Variants in FAM114A2 observed in about 807,000 individuals in gnomAD.
The protein encoded by FAM114A2 is family with sequence similarity 114 member A2, also known as protein FAM114A2.
In FAM114A2, 53 loss-of-function variants were observed where a neutral mutation model predicts 58.4. The ratio of observed to expected loss-of-function variants is 0.91; its 90% confidence interval spans 0.73 to 1.14. The LOEUF is 1.14. Among genes scored for constraint, FAM114A2 ranks in the 50% most tolerant of loss-of-function variants. The probability of loss-of-function intolerance (pLI) is 0.00; values close to 1 mark genes in which losing one functional copy is unlikely to be tolerated. For synonymous variants in FAM114A2, 228 were observed against 211.4 expected (o/e 1.08, Z -0.68); for missense variants, 601 against 581.1 (o/e 1.03, Z -0.35).
intron 1 of FAM114A2, among the ~76,000 whole-genome samples, chr5:154,035,642 T>C (rs1048959423): frequency 1.3e-5 from 2 of 152,196 alleles, no homozygotes; most frequent in Non-Finnish European, 2.9e-5. Context: ...AAAACAGCTA[T>C]GAAAGTTCAT....
At chr5:154,024,253 CAT>C (rs1430715228) in intron 8 of FAM114A2, among the ~76,000 whole-genome samples, 4 of 152,064 alleles carry the variant, frequency 2.6e-5, no homozygotes, top group African/African-American at 9.7e-5. Flanking sequence ...TTTCTGAGAA[CAT>C]TAAAGAGCTT....
intron 9 of FAM114A2, among the ~76,000 whole-genome samples, chr5:154,009,690 C>T (rs561027866): frequency 6.6e-6 from 1 of 152,260 alleles, no homozygotes; most frequent in Non-Finnish European, 1.5e-5. Flanking sequence ...CTGGGCAGGA[C>T]ACACCATCAC....
At chr5:154,033,466 T>C (rs1287670377) in intron 4 of FAM114A2, among the ~76,000 whole-genome samples, 2 of 152,250 alleles carry the variant, frequency 1.3e-5, no homozygotes, top group Non-Finnish European at 2.9e-5. Context: ...CTAACTCTTA[T>C]TAGTCTCTTA....
intron 8 of FAM114A2, among the ~76,000 whole-genome samples, chr5:154,022,347 C>T (rs1263599718): frequency 6.6e-6 from 1 of 152,190 alleles, no homozygotes. Context: ...CGTGAACAGG[C>T]AACCTACAGA....
intron 9 of FAM114A2, among the ~76,000 whole-genome samples, chr5:154,005,128 TAG>T (rs1770267138): frequency 6.6e-6 from 1 of 152,202 alleles, no homozygotes; most frequent in Non-Finnish European, 1.5e-5. Context: ...ATAGGATAGC[TAG>T]AGAGTGTTTT....
At position 154,002,247 on chromosome 5, in the gene FAM114A2, T is replaced by G. The variant is rs763300211; in HGVS notation, c.1256+4A>C. 1 of 1,613,120 alleles carries G rather than the reference T, an allele frequency of 6.2e-7. No individual in the cohort carries two copies. Among genetic ancestry groups the G allele is most frequent in the East Asian group, 2.2e-5 (1 of 44,830 alleles). On this transcript the variant is annotated splice_donor_region_variant and intron_variant, in intron 11 of 13. Transcript: ENST00000351797. ...TCATTTAGAGGAATTCTCATTACAC[T>G]TACTGGGAAAGAGTTTGGCTCCTTT...
At chr5:154,026,957 G>C (rs1029921240) in intron 7 of FAM114A2, among the ~76,000 whole-genome samples, 8 of 148,700 alleles carry the variant, frequency 5.4e-5, no homozygotes, top group African/African-American at 2.0e-4. Flanking sequence ...AACCTTTTTT[G>C]TTTAAATTTA....
Position 153,992,051 on chromosome 5 carries a change from A to G in FAM114A2, c.*925T>C, listed in dbSNP as rs1422460263. The G allele has an allele frequency of 6.6e-5, 10 of 152,216 alleles. No homozygotes were observed. 9.4% of individuals were successfully genotyped at this position (152,216 alleles called of 1,614,324 possible). A position where few individuals can be genotyped will look rare whatever the true frequency, so the allele number is the denominator to read the frequency against. ...AAAATAAACTATGCCTTAGAAGTTA[A>G]ATCCTATCATAAATGAACATCATTT... is the stretch of plus-strand genomic sequence containing the variant. On this transcript the variant is annotated 3_prime_UTR_variant, in exon 14 of 14. Coordinates refer to ENST00000351797, the MANE Select transcript of FAM114A2 (RefSeq NM_018691.4).
At chr5:153,994,257 A>C (rs928469398) in intron 13 of FAM114A2, among the ~76,000 whole-genome samples, 4 of 152,180 alleles carry the variant, frequency 2.6e-5, no homozygotes, top group African/African-American at 9.7e-5. Flanking sequence ...TTAACTATCA[A>C]ATATATTTTC....
At chr5:154,021,692 G>T (rs974166284) in intron 8 of FAM114A2, among the ~76,000 whole-genome samples, 9 of 152,246 alleles carry the variant, frequency 5.9e-5, no homozygotes, top group Admixed American at 3.3e-4. Flanking sequence ...TAGAGAGGAA[G>T]AATCAATATC....
intron 11 of FAM114A2, among the ~76,000 whole-genome samples, chr5:154,000,070 A>G (rs1769874792): frequency 6.6e-6 from 1 of 152,202 alleles, no homozygotes; most frequent in African/African-American, 2.4e-5. Flanking sequence ...GCAGGTCACG[A>G]GGTTAAGTGA....
chr5:154,010,464 T>C (rs1008122355), intron 9 of FAM114A2, among the ~76,000 whole-genome samples: 5 of 152,144 alleles, frequency 3.3e-5, no homozygotes, highest in South Asian at 2.1e-4. Context: ...CCAAACATCA[T>C]AGTTTTTGCC....
At chr5:153,997,463 T>C (rs1380209273) in intron 12 of FAM114A2, among the ~76,000 whole-genome samples, 1 of 152,048 alleles carries the variant, frequency 6.6e-6, no homozygotes, top group Non-Finnish European at 1.5e-5. Flanking sequence ...TCAAAAACAC[T>C]ATGCTAAGTG....
At chr5:154,007,059 T>C (rs1770400915) in intron 9 of FAM114A2, among the ~76,000 whole-genome samples, 1 of 152,090 alleles carries the variant, frequency 6.6e-6, no homozygotes, top group African/African-American at 2.4e-5. Flanking sequence ...CCTCCCAAAG[T>C]GCTGGGATTA....
intron 8 of FAM114A2, among the ~76,000 whole-genome samples, chr5:154,013,995 G>A (rs1005949614): frequency 1.3e-5 from 2 of 152,194 alleles, no homozygotes; most frequent in Admixed American, 1.3e-4. Flanking sequence ...TCAATGTTAA[G>A]TAACTTCTCA....
At position 154,026,750 on chromosome 5, in the gene FAM114A2, CAGTGTTT is replaced by C. The variant is rs147643241; in HGVS notation, c.790-235_790-229del. ...CCAGCCAGAAATTCCTGGAAATTAT[CAGTGTTT>C]AGCAACAGCTTAGAAATAACAAAAA... On this transcript the variant is annotated intron_variant, in intron 7 of 13. Coordinates refer to ENST00000351797, the MANE Select transcript of FAM114A2 (RefSeq NM_018691.4). 6.4e-3 allele frequency among the ~76,000 whole-genome samples: 972 copies of C among 152,130 alleles called. 35 individuals carry two copies. The East Asian group carries it at 0.12, about 18-fold the overall frequency.
chr5:153,996,062 T>C (rs1209752334), intron 12 of FAM114A2, among the ~76,000 whole-genome samples: 1 of 152,122 alleles, frequency 6.6e-6, no homozygotes, highest in Non-Finnish European at 1.5e-5. Context: ...CTAAAAGTCA[T>C]ATGAAAATGC....
intron 8 of FAM114A2, among the ~76,000 whole-genome samples, chr5:154,018,609 G>A (rs894060994): frequency 6.6e-6 from 1 of 152,006 alleles, no homozygotes; most frequent in African/African-American, 2.4e-5. Flanking sequence ...AACCAAAAAA[G>A]AAAACTACAA....
rs191348432 is a variant in FAM114A2, at chr5:154,030,272, T to C, written c.404-692A>G. ...AACAGACATACATTACAAAGATAGGTATGTTTCAAAACAAAAATCCATTAA... is the reference window on the plus strand; with the variant it reads ...AACAGACATACATTACAAAGATAGGCATGTTTCAAAACAAAAATCCATTAA... On this transcript the variant is annotated intron_variant, in intron 4 of 13. Coordinates refer to ENST00000351797, the MANE Select transcript of FAM114A2 (RefSeq NM_018691.4). 2.8e-4 allele frequency among the ~76,000 whole-genome samples: 42 copies of C among 152,316 alleles called. 1 individual carries two copies. In the East Asian group the frequency reaches 4.2e-3, roughly 15 times the overall value.
Sources: allele counts gnomAD v4.1 joint callset (sites outside exome capture counted in the v4.1 genomes callset), GRCh38; gene constraint gnomAD v4.1.1; transcripts MANE v1.5; gene names NCBI Gene and HGNC (gene_info 2026-07-23, HGNC 2026-07-21).